Variants in TBC1D4 observed in about 807,000 individuals in gnomAD.
TBC1D4 encodes TBC (Tre-2, BUB2, CDC16) domain-containing protein.
In TBC1D4, 121 loss-of-function variants were observed where a neutral mutation model predicts 142.5. The observed-to-expected ratio is 0.85, with a 90% CI of 0.73 to 0.99. The LOEUF is 0.99. Ranked by LOEUF, TBC1D4 falls within the 50% of genes least tolerant of loss-of-function variation. The pLI is 0.00. For synonymous variants in TBC1D4, 630 were observed against 628.2 expected (o/e 1.00, Z -0.04); for missense variants, 1,475 against 1,606.6 (o/e 0.92, Z 1.40).
At chr13:75,378,826 T>C (rs1005138820) in intron 1 of TBC1D4, among the ~76,000 whole-genome samples, 2 of 152,136 alleles carry the variant, frequency 1.3e-5, no homozygotes, top group African/African-American at 2.4e-5. Flanking sequence ...GTTTAGAAGA[T>C]TCACATCAAA....
At chr13:75,394,441 AATC>A (rs1356646523) in intron 1 of TBC1D4, among the ~76,000 whole-genome samples, 2 of 152,366 alleles carry the variant, frequency 1.3e-5, no homozygotes, top group East Asian at 3.9e-4. Flanking sequence ...AAGAATTGAC[AATC>A]ATGGAAAGAA....
chr13:75,478,288 A>G (rs1196551924), intron 1 of TBC1D4, among the ~76,000 whole-genome samples: 1 of 152,194 alleles, frequency 6.6e-6, no homozygotes, highest in Non-Finnish European at 1.5e-5. Flanking sequence ...CAGGTTTATT[A>G]CTCACAGTGC....
chr13:75,481,782 C>A lies in TBC1D4; in HGVS notation c.-15G>T. On this transcript the variant is annotated 5_prime_UTR_variant, in exon 1 of 21. Coordinates refer to ENST00000377636, the MANE Select transcript of TBC1D4 (RefSeq NM_014832.5). ...GGCGGCTCCATAACTCTCGCCTCACCAGGGCACCGCGGAGGCCGGCCGGGC... is the reference window on the plus strand; with the variant it reads ...GGCGGCTCCATAACTCTCGCCTCACAAGGGCACCGCGGAGGCCGGCCGGGC... The A allele has an allele frequency of 6.6e-7, 1 of 1,520,212 alleles. No individual in the cohort carries two copies. The allele number at this position is 1,520,212 out of a possible 1,614,324, so 94.2% of individuals were successfully genotyped here. A position where few individuals can be genotyped will look rare whatever the true frequency, so the allele number is the denominator to read the frequency against.
intron 1 of TBC1D4, among the ~76,000 whole-genome samples, chr13:75,467,067 A>G (rs1356630885): frequency 6.6e-6 from 1 of 152,152 alleles, no homozygotes; most frequent in East Asian, 1.9e-4. Context: ...CACAAAAAAA[A>G]TCTATTAACC....
intron 7 of TBC1D4, among the ~76,000 whole-genome samples, chr13:75,338,864 C>A (rs574390968): frequency 2.0e-5 from 3 of 152,304 alleles, no homozygotes; most frequent in Admixed American, 1.3e-4. Context: ...AATTTCCCCA[C>A]ACGGGAAACC....
chr13:75,480,957 A>G (rs1888834776), intron 1 of TBC1D4, among the ~76,000 whole-genome samples: 1 of 151,834 alleles, frequency 6.6e-6, no homozygotes. Flanking sequence ...TCCTCCCGGG[A>G]CGGGCGCTCC....
chr13:75,435,286 C>T (rs936514735), intron 1 of TBC1D4, among the ~76,000 whole-genome samples: 2 of 150,772 alleles, frequency 1.3e-5, no homozygotes, highest in Non-Finnish European at 2.9e-5. Flanking sequence ...CAAGATCACG[C>T]CACTGCACTC....
intron 7 of TBC1D4, among the ~76,000 whole-genome samples, chr13:75,340,837 C>G (rs1593756490): frequency 6.6e-6 from 1 of 152,026 alleles, no homozygotes; most frequent in East Asian, 1.9e-4. Context: ...TCCCAGCTAC[C>G]CGGGAAGCTG....
chr13:75,343,234 G>T (rs927644528), intron 5 of TBC1D4, among the ~76,000 whole-genome samples: 1 of 152,138 alleles, frequency 6.6e-6, no homozygotes, highest in African/African-American at 2.4e-5. Flanking sequence ...TATACAGGAG[G>T]ATCACCTGAA....
rs780599874 is a variant in TBC1D4, at chr13:75,326,389, G to A, written c.1841C>T (p.Pro614Leu). The A allele has an allele frequency of 1.5e-5, 25 of 1,613,964 alleles. No homozygotes were observed. Among genetic ancestry groups the A allele is most frequent in the African/African-American group, 5.3e-5 (4 of 74,876 alleles). ...AGCTGAGGACGGTGGGGACGCTGGC[G>A]GTGTCCCTGGTGGAGAATCCCCTGG... ...YSPGDSPPGT[P>L]PASPPSSAWQ... Residue 614 changes from proline (P) to leucine (L), a missense_variant, in exon 10 of 21, where the codon CCG (proline) becomes CTG (leucine). Around this residue, in one of 2 missense-constraint regions of TBC1D4, gnomAD observed 1,227 missense variants for 1,267.7 expected, o/e 0.97. Transcript: ENST00000377636.
At chr13:75,474,560 A>C (rs985040123) in intron 1 of TBC1D4, among the ~76,000 whole-genome samples, 1 of 152,186 alleles carries the variant, frequency 6.6e-6, no homozygotes, top group Non-Finnish European at 1.5e-5. Context: ...CTCCGTCTCA[A>C]AAAGAAAAGA....
chr13:75,406,006 T>C (rs904893010), intron 1 of TBC1D4, among the ~76,000 whole-genome samples: 1 of 152,242 alleles, frequency 6.6e-6, no homozygotes, highest in Admixed American at 6.5e-5. Context: ...CTACCATTAT[T>C]TTGAGAAGGA....
chr13:75,431,398 T>C (rs1886587246), intron 1 of TBC1D4, among the ~76,000 whole-genome samples: 3 of 152,232 alleles, frequency 2.0e-5, no homozygotes, highest in African/African-American at 7.2e-5. Context: ...ATCCCAATTA[T>C]GTCGCTAAAG....
intron 16 of TBC1D4, among the ~76,000 whole-genome samples, chr13:75,300,080 T>G (rs761273616): frequency 1.3e-5 from 2 of 152,212 alleles, no homozygotes; most frequent in Non-Finnish European, 2.9e-5. Context: ...TTTTTGGGTT[T>G]GTTTGACTTT....
chr13:75,349,434 G>T, intron 4 of TBC1D4, 132 bp from the exon 5 acceptor site: 1 of 1,223,032 alleles, frequency 8.2e-7, no homozygotes, highest in Non-Finnish European at 1.2e-6. Flanking sequence ...TAGAGAGTTA[G>T]CCGAGAGAAA....
chr13:75,405,671 ATATTTTTC>A (rs1317034862), intron 1 of TBC1D4, among the ~76,000 whole-genome samples: 2 of 152,182 alleles, frequency 1.3e-5, no homozygotes, highest in Non-Finnish European at 2.9e-5. Flanking sequence ...TTAACTTTTT[ATATTTTTC>A]TATTGCATAA....
chr13:75,475,162 A>G (rs1052266370), intron 1 of TBC1D4, among the ~76,000 whole-genome samples: 3 of 152,212 alleles, frequency 2.0e-5, no homozygotes, highest in African/African-American at 4.8e-5. Context: ...ACCATATTAC[A>G]TACCATATTC....
chr13:75,382,460 C>T (rs1219193386), intron 1 of TBC1D4, among the ~76,000 whole-genome samples: 2 of 152,136 alleles, frequency 1.3e-5, no homozygotes, highest in African/African-American at 2.4e-5. Flanking sequence ...ACTTTCTTTT[C>T]GAGCTCTTTA....
intron 16 of TBC1D4, among the ~76,000 whole-genome samples, chr13:75,301,591 G>A (rs1359174424): frequency 6.6e-6 from 1 of 151,492 alleles, no homozygotes; most frequent in Non-Finnish European, 1.5e-5. Flanking sequence ...CTTGCAGTGA[G>A]CAGAGATCGT....
Sources: gnomAD v4.1 joint callset for allele counts (sites outside exome capture counted in the v4.1 genomes callset) on GRCh38, gnomAD v4.1.1 for gene constraint, gnomAD v4.1.1 regional missense constraint, MANE v1.5 for transcripts, NCBI Gene and HGNC (gene_info 2026-07-23, HGNC 2026-07-21) for gene names.